The following SERPINA12 variants were observed in gnomAD, a reference collection of about 807,000 sequenced individuals.
SERPINA12 encodes the protein serpin family A member 12.
SERPINA12 carries 21 observed loss-of-function variants against 25.9 expected under a neutral mutation model. That is an observed-to-expected ratio of 0.81 (90% CI 0.58 to 1.17). The LOEUF (loss-of-function observed/expected upper bound fraction) is 1.17. Ranked by LOEUF, SERPINA12 falls within the 50% of genes most tolerant of loss-of-function variation. The pLI is 0.00. For synonymous variants in SERPINA12, 220 were observed against 196.0 expected, an observed-to-expected ratio of 1.12 and a Z score of -1.02; for missense variants, 562 against 508.3, an observed-to-expected ratio of 1.11 and a Z score of -1.02.
chr14:94,495,531 T>C (rs1298834330), intron 3 of SERPINA12, among the ~76,000 whole-genome samples: 1 of 152,194 alleles, frequency 6.6e-6, no homozygotes, highest in Non-Finnish European at 1.5e-5. Context: ...CTTGGTACCG[T>C]CCTTGGTGCC....
At position 94,493,522 on chromosome 14, in the gene SERPINA12, G is replaced by A. The variant is rs909907389; in HGVS notation, c.905+2851C>T. ...AGACCAGGCACTAGAAAAATGGAAG[G>A]AGGTGCCCTGGAAGAGATGCTGAGA... is the stretch of plus-strand genomic sequence containing the variant. On this transcript the variant is annotated intron_variant, in intron 3 of 4. Coordinates refer to ENST00000677451, the MANE Select transcript of SERPINA12 (RefSeq NM_001382267.1). Among the ~76,000 whole-genome samples, 4 of 152,260 alleles carry A rather than the reference G, an allele frequency of 2.6e-5. No homozygotes were observed. In the East Asian group the frequency reaches 7.7e-4, roughly 29 times the overall value.
At chr14:94,501,059 AG>A in intron 1 of SERPINA12, 4 of 985,432 alleles carry the variant, frequency 4.1e-6, no homozygotes, top group Non-Finnish European at 4.8e-6. Context: ...GTGATGAACA[AG>A]GGCTCTATGG....
intron 3 of SERPINA12, among the ~76,000 whole-genome samples, chr14:94,495,070 T>TTTA (rs1555377347): frequency 6.0e-5 from 8 of 133,742 alleles, no homozygotes; most frequent in African/African-American, 2.6e-4. Flanking sequence ...CTTTCTTTTT[T>TTTA]TTTTTTTTTT....
At chr14:94,497,655 A>G in intron 2 of SERPINA12, 109 bp downstream of exon 2, 1 of 1,005,814 alleles carries the variant, frequency 9.9e-7, no homozygotes. Flanking sequence ...TGAGAGATAA[A>G]TCACATATGA....
chr14:94,500,184 A>T (rs1410723680), intron 1 of SERPINA12, among the ~76,000 whole-genome samples: 2 of 152,188 alleles, frequency 1.3e-5, no homozygotes, highest in Non-Finnish European at 2.9e-5. Flanking sequence ...ATCACAACAA[A>T]GGTCTTCAAG....
In SERPINA12 at chr14:94,501,190, G is replaced by C. The variant is rs2068117; in HGVS notation, c.-33-2760C>G. The C allele has an allele frequency of 6.5e-3, 6,428 of 984,994 alleles. 330 individuals are homozygous for C. In the African/African-American group the frequency reaches 0.1, roughly 16 times the overall value. The allele number at this position is 984,994 out of a possible 1,614,324, so 61.0% of individuals were successfully genotyped here. A position where few individuals can be genotyped will look rare whatever the true frequency, so the allele number is the denominator to read the frequency against. ...TTAGGGGGCTGCACTGTTTACAAAG[G>C]CTGCCTGGATTAAAAATAGAAGCTT... is the stretch of plus-strand genomic sequence containing the variant. On this transcript the variant is annotated intron_variant, in intron 1 of 4. Coordinates refer to ENST00000677451, the MANE Select transcript of SERPINA12 (RefSeq NM_001382267.1).
chr14:94,505,755 C>A (rs879861443), intron 1 of SERPINA12, among the ~76,000 whole-genome samples: 1 of 152,180 alleles, frequency 6.6e-6, no homozygotes, highest in Non-Finnish European at 1.5e-5. Context: ...TAAATTTCCA[C>A]GGGAGACATG....
chr14:94,507,447 A>G (rs1900970688), intron 1 of SERPINA12, among the ~76,000 whole-genome samples: 2 of 152,244 alleles, frequency 1.3e-5, no homozygotes, highest in Admixed American at 6.5e-5. Flanking sequence ...GGTACGTGTA[A>G]TGTCTGTGTC....
chr14:94,495,873 A>G (rs760797179), intron 3 of SERPINA12, among the ~76,000 whole-genome samples: 1 of 152,214 alleles, frequency 6.6e-6, no homozygotes, highest in African/African-American at 2.4e-5. Context: ...CATTAATCTA[A>G]TATCAGTTTA....
intron 3 of SERPINA12, among the ~76,000 whole-genome samples, chr14:94,491,870 G>T (rs866986476): frequency 1.3e-5 from 2 of 152,190 alleles, no homozygotes; most frequent in Non-Finnish European, 2.9e-5. Flanking sequence ...ATTTGGGGGA[G>T]AACAGGGGCT....
chr14:94,498,503 G>T, intron 1 of SERPINA12, 73 bp from the exon 2 acceptor site: 1 of 1,229,220 alleles, frequency 8.1e-7, no homozygotes, highest in Non-Finnish European at 1.1e-6. Context: ...CCAGATGAAA[G>T]AAGAAATACA....
In SERPINA12 at chr14:94,487,641, T is replaced by C. The variant is rs1470513844; in HGVS notation, c.1054-147A>G. 7.2e-6 allele frequency: 4 copies of C among 556,720 alleles called. No individual in the cohort carries two copies. In the East Asian group the frequency reaches 9.2e-5, roughly 13 times the overall value. The allele number at this position is 556,720 out of a possible 1,614,324, so 34.5% of individuals were successfully genotyped here. On this transcript the variant is annotated intron_variant, in intron 4 of 4. Transcript: ENST00000677451. ...CTTGGTTTACTCCAGGGTTCCTGGC[T>C]CTTTCGCCATTAATGCTGGAGAATA...
chr14:94,502,044 G>GTC (rs920462238), intron 1 of SERPINA12, among the ~76,000 whole-genome samples: 12 of 151,828 alleles, frequency 7.9e-5, no homozygotes, highest in African/African-American at 2.9e-4. Context: ...GTGTGTGTGT[G>GTC]TGTGTGTGTA....
At chr14:94,489,796 G>A in intron 3 of SERPINA12, 29 bp from the exon 4 acceptor site, 2 of 1,609,958 alleles carry the variant, frequency 1.2e-6, no homozygotes, top group Non-Finnish European at 8.5e-7. Flanking sequence ...AAGGGTGAGT[G>A]GTCAAGTCCT....
upstream of SERPINA12, chr14:94,511,447 G>A (rs555257039): frequency 9.8e-4 from 968 of 985,408 alleles, 2 homozygotes; most frequent in Non-Finnish European, 1.1e-3. Flanking sequence ...TACAACTAGT[G>A]CAGAAACTTT....
At chr14:94,487,755 T>C (rs1384648471) in intron 4 of SERPINA12, among the ~76,000 whole-genome samples, 3 of 152,096 alleles carry the variant, frequency 2.0e-5, no homozygotes, top group African/African-American at 4.8e-5. Flanking sequence ...GGAGTGGGGT[T>C]TGCTTCTCTT....
upstream of SERPINA12, among the ~76,000 whole-genome samples, chr14:94,512,837 A>G (rs1220571950): frequency 6.6e-6 from 1 of 152,216 alleles, no homozygotes; most frequent in African/African-American, 2.4e-5. Flanking sequence ...ATAGTTAAGG[A>G]TGGGAAAAGC....
At chr14:94,515,996 TG>T (rs1266187735) in exon 2 of SERPINA12, 1 of 151,448 alleles carries the variant, frequency 6.6e-6, no homozygotes, top group African/African-American at 2.4e-5. Context: ...GCCGAGAGAG[TG>T]GGGTTCAGGG....
rs184844825 is a variant in SERPINA12, at chr14:94,492,674, G to A, written c.906-2907C>T. Among the ~76,000 whole-genome samples, 271 of 152,354 alleles carry A rather than the reference G, an allele frequency of 1.8e-3. 1 individual carries two copies. Among genetic ancestry groups the A allele is most frequent in the African/African-American group, 5.7e-3 (239 of 41,580 alleles). On this transcript the variant is annotated intron_variant, in intron 3 of 4. Transcript: ENST00000677451. ...GGTCCAGTGCGTAAATGAGGAGATC[G>A]GCTTTAGTTTGTGCCAACGTGGGAA...
Sources: allele counts gnomAD v4.1 joint callset (sites outside exome capture counted in the v4.1 genomes callset), GRCh38; gene constraint gnomAD v4.1.1; transcripts MANE v1.5; gene names NCBI Gene and HGNC (gene_info 2026-07-23, HGNC 2026-07-21).